TENM4: variants seen among roughly 807,000 people sequenced by gnomAD.
TENM4 encodes teneurin-4.
A neutral mutation model predicts 243.3 loss-of-function variants in TENM4; 82 were observed. The observed-to-expected ratio is 0.34, with a 90% CI of 0.28 to 0.40. TENM4 has a LOEUF of 0.40. Ranked by LOEUF, TENM4 falls within the 10% of genes least tolerant of loss-of-function variation. The pLI, the probability that TENM4 is intolerant of heterozygous loss-of-function variation, is 1.00. For synonymous variants in TENM4, 1,412 were observed against 1,456.3 expected, an observed-to-expected ratio of 0.97 and a Z score of 0.69; for missense variants, 3,138 against 3,673.3, an observed-to-expected ratio of 0.85 and a Z score of 3.77.
rs139462665 is a variant in TENM4, at chr11:78,762,705, T to C, written c.2540-5684A>G. On this transcript the variant is annotated intron_variant, in intron 18 of 33. Coordinates refer to ENST00000278550, the MANE Select transcript of TENM4 (RefSeq NM_001098816.3). ...CACAAATGAGTAGGGCTTACAGCAT[T>C]CTTTTCAAAGGCTGCAGTTTACAAG... Among the ~76,000 whole-genome samples, 135 of 152,332 alleles carry C rather than the reference T, an allele frequency of 8.9e-4. 1 individual carries two copies. The highest frequency in any genetic ancestry group is 1.5e-3 in the Non-Finnish European group (99 of 68,034).
At chr11:79,382,954 G>A (rs969087529) in intron 1 of TENM4, among the ~76,000 whole-genome samples, 2 of 152,122 alleles carry the variant, frequency 1.3e-5, no homozygotes, top group Admixed American at 6.5e-5. Flanking sequence ...CAGGGGCTGC[G>A]AGCAGGCACG....
intron 31 of TENM4, among the ~76,000 whole-genome samples, chr11:78,671,152 C>T (rs1460866987): frequency 6.6e-6 from 1 of 152,198 alleles, no homozygotes; most frequent in East Asian, 1.9e-4. Flanking sequence ...AGGTCATAAG[C>T]CTACTCTGGG....
chr11:79,069,958 C>G lies in TENM4; in HGVS notation c.-14G>C, dbSNP rs1205529080. ...CTTCACGTCCATGGCCTCCGGCCCG[C>G]GCTCCTCCACATCCACAAACAGGGT... On this transcript the variant is annotated 5_prime_UTR_variant, in exon 5 of 34. Transcript: ENST00000278550. 2 of 1,542,946 alleles carry G rather than the reference C, an allele frequency of 1.3e-6. No homozygotes were observed. The highest frequency in any genetic ancestry group is 4.9e-5 in the East Asian group (2 of 40,860).
At chr11:79,058,609 G>A (rs1430041415) in intron 6 of TENM4, among the ~76,000 whole-genome samples, 1 of 151,984 alleles carries the variant, frequency 6.6e-6, no homozygotes, top group African/African-American at 2.4e-5. Context: ...TTCACACCCT[G>A]GCTCTGACAT....
intron 1 of TENM4, among the ~76,000 whole-genome samples, chr11:79,324,681 TATATAG>T (rs1856945331): frequency 6.6e-6 from 1 of 152,156 alleles, no homozygotes; most frequent in East Asian, 1.9e-4. Flanking sequence ...TGTAGATGTA[TATATAG>T]ATATATAGAG....
intron 1 of TENM4, among the ~76,000 whole-genome samples, chr11:79,426,449 G>A (rs184279907): frequency 1.3e-5 from 2 of 152,308 alleles, no homozygotes; most frequent in African/African-American, 4.8e-5. Context: ...GAACTAACAA[G>A]ACCTTACTCA....
At chr11:79,225,648 T>A (rs1864248937) in intron 2 of TENM4, among the ~76,000 whole-genome samples, 1 of 152,084 alleles carries the variant, frequency 6.6e-6, no homozygotes, top group African/African-American at 2.4e-5. Context: ...TGGCTATTTT[T>A]TTGTAGTTTT....
chr11:78,879,439 G>C (rs1170598616), intron 9 of TENM4, among the ~76,000 whole-genome samples: 1 of 143,172 alleles, frequency 7.0e-6, no homozygotes, highest in African/African-American at 2.6e-5. Context: ...CCGTCTGGGA[G>C]GTGGGGAGTG....
At chr11:78,994,271 C>T (rs1591190763) in intron 6 of TENM4, among the ~76,000 whole-genome samples, 1 of 152,148 alleles carries the variant, frequency 6.6e-6, no homozygotes, top group Non-Finnish European at 1.5e-5. Flanking sequence ...TGTTTTTTCC[C>T]CAGTAGATGT....
chr11:79,173,617 G>A (rs1389057193), intron 3 of TENM4, among the ~76,000 whole-genome samples: 2 of 152,040 alleles, frequency 1.3e-5, no homozygotes, highest in Non-Finnish European at 2.9e-5. Flanking sequence ...TTCTCAACAC[G>A]CTTAGGACTT....
At chr11:79,079,944 C>T (rs1483105749) in intron 4 of TENM4, among the ~76,000 whole-genome samples, 1 of 152,088 alleles carries the variant, frequency 6.6e-6, no homozygotes, top group Non-Finnish European at 1.5e-5. Flanking sequence ...CCCATCCCTA[C>T]TGAGTGGTCA....
At chr11:78,770,879 CCT>C (rs1856632541) in intron 18 of TENM4, 111 bp downstream of exon 18, 1 of 1,430,262 alleles carries the variant, frequency 7.0e-7, no homozygotes, top group East Asian at 2.5e-5. Flanking sequence ...CGCAGGTCCC[CCT>C]GACTGGATGA....
intron 6 of TENM4, among the ~76,000 whole-genome samples, chr11:79,018,972 C>T (rs1029856437): frequency 1.3e-5 from 2 of 152,220 alleles, no homozygotes; most frequent in African/African-American, 4.8e-5. Context: ...GCTCCCAGCC[C>T]CTCCACCCAC....
chr11:78,866,138 G>C (rs1271833972), intron 9 of TENM4, among the ~76,000 whole-genome samples: 1 of 152,202 alleles, frequency 6.6e-6, no homozygotes, highest in Admixed American at 6.5e-5. Flanking sequence ...CCTGGAAGCA[G>C]TGAATATTCT....
chr11:79,108,399 A>G (rs1370264440), intron 4 of TENM4, among the ~76,000 whole-genome samples: 2 of 152,212 alleles, frequency 1.3e-5, no homozygotes, highest in Non-Finnish European at 2.9e-5. Context: ...CTGCTGGCCT[A>G]GCTGACACAT....
In TENM4 at chr11:78,756,774, C is replaced by T. The variant is rs762830014; in HGVS notation, c.2756+31G>A. The T allele has an allele frequency of 5.7e-6, 9 of 1,590,962 alleles. No individual in the cohort carries two copies. The East Asian group carries it at 2.0e-4, about 36-fold the overall frequency. On this transcript the variant is annotated intron_variant, in intron 19 of 33. Coordinates refer to ENST00000278550, the MANE Select transcript of TENM4 (RefSeq NM_001098816.3). ...AGTGATTCAGTTCTCCCTCAGAGAGCCCTGGCTGGAGCTGGGGCCCTCGGA... is the reference window on the plus strand; with the variant it reads ...AGTGATTCAGTTCTCCCTCAGAGAGTCCTGGCTGGAGCTGGGGCCCTCGGA...
intron 9 of TENM4, among the ~76,000 whole-genome samples, chr11:78,878,657 C>T (rs1859333470): frequency 1.3e-5 from 2 of 152,180 alleles, no homozygotes; most frequent in Non-Finnish European, 2.9e-5. Context: ...AGAAAGTTTT[C>T]TTCTGGCAGG....
chr11:79,256,745 G>A (rs1855706792), intron 2 of TENM4, among the ~76,000 whole-genome samples: 1 of 152,300 alleles, frequency 6.6e-6, no homozygotes, highest in East Asian at 1.9e-4. Context: ...GTGGCTCCTG[G>A]ACTCTGAGCC....
chr11:79,257,072 G>A (rs761275551), intron 2 of TENM4, among the ~76,000 whole-genome samples: 8 of 152,228 alleles, frequency 5.3e-5, no homozygotes, highest in Middle Eastern at 3.4e-3. Context: ...AGGAAGGCAG[G>A]AGCATTCCAG....
Sources: allele counts gnomAD v4.1 joint callset (sites outside exome capture counted in the v4.1 genomes callset), GRCh38; gene constraint gnomAD v4.1.1; transcripts MANE v1.5; gene names NCBI Gene and HGNC (gene_info 2026-07-23, HGNC 2026-07-21).